Variants in FHIT observed in about 807,000 individuals in gnomAD.
FHIT encodes the protein fragile histidine triad diadenosine triphosphatase.
A neutral mutation model predicts 17.9 loss-of-function variants in FHIT; 19 were observed. The observed-to-expected ratio is 1.06, with a 90% confidence interval of 0.74 to 1.56. The LOEUF (loss-of-function observed/expected upper bound fraction) is 1.56, where lower values mean the gene tolerates loss of function less well. Among genes scored for constraint, FHIT ranks in the 40% most tolerant of loss-of-function variants. The pLI, the probability that FHIT is intolerant of heterozygous loss-of-function variation, is 0.00. For missense variants in FHIT, 248 were observed against 189.2 expected (o/e 1.31, Z -1.82); for synonymous variants, 81 against 69.7 (o/e 1.16, Z -0.81).
intron 5 of FHIT, among the ~76,000 whole-genome samples, chr3:60,307,599 A>C (rs571595660): frequency 6.6e-6 from 1 of 152,316 alleles, no homozygotes; most frequent in South Asian, 2.1e-4. Flanking sequence ...TATATCCTTG[A>C]TGTCTCACAG....
intron 5 of FHIT, among the ~76,000 whole-genome samples, chr3:60,364,950 G>T (rs1700047456): frequency 6.6e-6 from 1 of 151,892 alleles, no homozygotes; most frequent in Non-Finnish European, 1.5e-5. Context: ...GGCTTTCTTG[G>T]TTATCCAGCT....
chr3:59,972,425 G>T (rs1035877463), intron 7 of FHIT, among the ~76,000 whole-genome samples: 1 of 152,048 alleles, frequency 6.6e-6, no homozygotes, highest in Admixed American at 6.6e-5. Context: ...GGCTGGGAAG[G>T]TATCCTTGGC....
intron 3 of FHIT, among the ~76,000 whole-genome samples, chr3:61,032,597 G>A (rs779166325): frequency 1.3e-5 from 2 of 152,170 alleles, no homozygotes; most frequent in Non-Finnish European, 2.9e-5. Flanking sequence ...GACATATTAA[G>A]ATACTGGAAG....
At chr3:61,201,561 G>A (rs1170867766) in intron 1 of FHIT, among the ~76,000 whole-genome samples, 6 of 151,982 alleles carry the variant, frequency 3.9e-5, no homozygotes, top group African/African-American at 1.2e-4. Flanking sequence ...AATATCTGAA[G>A]GGATTGTTTT....
chr3:60,648,495 G>A (rs1267967675), intron 4 of FHIT, among the ~76,000 whole-genome samples: 1 of 151,886 alleles, frequency 6.6e-6, no homozygotes, highest in Non-Finnish European at 1.5e-5. Context: ...TGGGGGTGAA[G>A]GATTTGGGGG....
chr3:61,168,188 C>T (rs1314949646), intron 2 of FHIT, among the ~76,000 whole-genome samples: 1 of 152,152 alleles, frequency 6.6e-6, no homozygotes, highest in Non-Finnish European at 1.5e-5. Flanking sequence ...CATTGGTACA[C>T]AGCCACATTT....
At position 61,058,257 on chromosome 3, in the gene FHIT, C is replaced by T. The variant is rs139042615; in HGVS notation, c.-163-16158G>A. 3.2e-3 allele frequency among the ~76,000 whole-genome samples: 481 copies of T among 152,308 alleles called. 4 individuals are homozygous for T. The highest frequency in any genetic ancestry group is 0.011 in the African/African-American group (464 of 41,566). ...GCACAACAAACTGCTCTACTCAACTCTACAGCCCTGGATGATGTCTCCACA... is the reference window on the plus strand; with the variant it reads ...GCACAACAAACTGCTCTACTCAACTTTACAGCCCTGGATGATGTCTCCACA... On this transcript the variant is annotated intron_variant, in intron 2 of 9. Transcript: ENST00000492590.
At chr3:60,428,147 G>T (rs758866383) in intron 5 of FHIT, among the ~76,000 whole-genome samples, 13 of 152,010 alleles carry the variant, frequency 8.6e-5, no homozygotes, top group Non-Finnish European at 1.9e-4. Context: ...ACCCCAAGAG[G>T]GCTCTCAAAG....
intron 5 of FHIT, among the ~76,000 whole-genome samples, chr3:60,099,136 C>T (rs1330362103): frequency 6.6e-6 from 1 of 152,170 alleles, no homozygotes; most frequent in Admixed American, 6.5e-5. Flanking sequence ...TAATCATGCG[C>T]TGTTGCCTGA....
At chr3:60,011,641 C>A (rs939214617) in intron 6 of FHIT, among the ~76,000 whole-genome samples, 1 of 152,290 alleles carries the variant, frequency 6.6e-6, no homozygotes, top group East Asian at 1.9e-4. Context: ...CTCCTTGCTA[C>A]TTTTCATGCT....
At chr3:61,079,234 G>A (rs1195533157) in intron 2 of FHIT, among the ~76,000 whole-genome samples, 1 of 152,074 alleles carries the variant, frequency 6.6e-6, no homozygotes, top group African/African-American at 2.4e-5. Flanking sequence ...TTACCACCTT[G>A]GTCTTAATAT....
chr3:60,440,028 T>C (rs1406889554), intron 5 of FHIT, among the ~76,000 whole-genome samples: 1 of 152,094 alleles, frequency 6.6e-6, no homozygotes, highest in Non-Finnish European at 1.5e-5. Flanking sequence ...CTGGTCATCC[T>C]CAGTCACAGT....
intron 5 of FHIT, among the ~76,000 whole-genome samples, chr3:60,076,352 T>C (rs1367846254): frequency 6.6e-6 from 1 of 152,116 alleles, no homozygotes. Context: ...TTAAGTTGGA[T>C]ATGCCAGAAA....
At chr3:60,331,377 C>A (rs1167584730) in intron 5 of FHIT, among the ~76,000 whole-genome samples, 1 of 152,154 alleles carries the variant, frequency 6.6e-6, no homozygotes, top group African/African-American at 2.4e-5. Context: ...ATTATAACTG[C>A]CCTTTTCATA....
At chr3:60,791,425 T>C (rs1700773201) in intron 4 of FHIT, among the ~76,000 whole-genome samples, 1 of 152,230 alleles carries the variant, frequency 6.6e-6, no homozygotes, top group African/African-American at 2.4e-5. Flanking sequence ...TAAAACTTTC[T>C]GCCTGACCAT....
chr3:60,865,610 T>C (rs1209359407), intron 3 of FHIT, among the ~76,000 whole-genome samples: 3 of 152,178 alleles, frequency 2.0e-5, no homozygotes, highest in African/African-American at 7.2e-5. Flanking sequence ...AGAGACTCTC[T>C]ATGGAGACAG....
intron 1 of FHIT, among the ~76,000 whole-genome samples, chr3:61,239,995 C>T (rs1229396616): frequency 6.6e-6 from 1 of 151,962 alleles, no homozygotes; most frequent in Non-Finnish European, 1.5e-5. Context: ...AGGAGTTGGA[C>T]CCAGCTGTTC....
chr3:60,897,272 C>G (rs1223649473), intron 3 of FHIT, among the ~76,000 whole-genome samples: 1 of 152,086 alleles, frequency 6.6e-6, no homozygotes, highest in Non-Finnish European at 1.5e-5. Flanking sequence ...ACTTAAGGAC[C>G]CTTTTTTATC....
intron 7 of FHIT, among the ~76,000 whole-genome samples, chr3:59,986,917 T>C (rs1328819333): frequency 8.3e-6 from 1 of 120,422 alleles, no homozygotes; most frequent in East Asian, 2.3e-4. Flanking sequence ...ATATTAAAAA[T>C]ATATGTACGT....
Sources: allele counts gnomAD v4.1 joint callset (sites outside exome capture counted in the v4.1 genomes callset), GRCh38; gene constraint gnomAD v4.1.1; transcripts MANE v1.5; gene names NCBI Gene and HGNC (gene_info 2026-07-23, HGNC 2026-07-21).